Variants in MAP4 observed in about 807,000 individuals in gnomAD.
MAP4 encodes microtubule associated protein 4.
A neutral mutation model predicts 170.2 loss-of-function variants in MAP4; 76 were observed. That is an observed-to-expected ratio of 0.45 (90% CI 0.37 to 0.54). MAP4 has a LOEUF of 0.54. Among genes scored for constraint, MAP4 ranks in the 20% least tolerant of loss-of-function variants. The probability of loss-of-function intolerance (pLI) is 0.00; values close to 1 mark genes in which losing one functional copy is unlikely to be tolerated. For synonymous variants in MAP4, 909 were observed against 994.5 expected (o/e 0.91, Z 1.62); for missense variants, 2,506 against 2,748.0 (o/e 0.91, Z 1.97).
chr3:47,855,063 C>T lies in MAP4; in HGVS notation c.6696+185G>A, dbSNP rs1234046501. 1 of 553,532 alleles carries T rather than the reference C, an allele frequency of 1.8e-6. No individual in the cohort carries two copies. Among genetic ancestry groups the T allele is most frequent in the East Asian group, 2.8e-5 (1 of 35,254 alleles). The allele number at this position is 553,532 out of a possible 1,614,324, so 34.3% of individuals were successfully genotyped here. A position where few individuals can be genotyped will look rare whatever the true frequency, so the allele number is the denominator to read the frequency against. ...AGGTGAGGGGTGGCTGGGCTGGGGC[C>T]TCTTCACTTCTGCCTCAGTCAGGAC... On this transcript the variant is annotated intron_variant, in intron 19 of 20. Coordinates refer to ENST00000683076, the MANE Select transcript of MAP4 (RefSeq NM_001385682.1). This position sits in a 1 kb window ranked among gnomAD's most constrained non-coding sequence, Gnocchi z 5.1.
At chr3:48,042,082 C>T (rs2100121921) in intron 1 of MAP4, among the ~76,000 whole-genome samples, 1 of 152,156 alleles carries the variant, frequency 6.6e-6, no homozygotes, top group South Asian at 2.1e-4. Context: ...GTTGTGCGAG[C>T]TGCTCTAGCA....
rs1164039134 is a variant in MAP4, at chr3:47,850,785, A to C, written c.*2149T>G. 2 of 152,648 alleles carry C rather than the reference A, an allele frequency of 1.3e-5. No homozygotes were observed. Among genetic ancestry groups the C allele is most frequent in the African/African-American group, 4.8e-5 (2 of 41,444 alleles). 9.5% of individuals were successfully genotyped at this position (152,648 alleles called of 1,614,324 possible). ...CACAGGTAATGGCTGAGCCATAAGCAAATCGAGAAGTACAGAAATGTCCCA... is the reference window on the plus strand; with the variant it reads ...CACAGGTAATGGCTGAGCCATAAGCCAATCGAGAAGTACAGAAATGTCCCA... On this transcript the variant is annotated 3_prime_UTR_variant, in exon 21 of 21. Transcript: ENST00000683076.
Position 47,998,838 on chromosome 3 carries a change from T to A in MAP4, c.23A>T (p.Asp8Val), listed in dbSNP as rs770347331. 1.2e-6 allele frequency: 2 copies of A among 1,614,160 alleles called. No homozygotes were observed. Among genetic ancestry groups the A allele is most frequent in the Non-Finnish European group, 1.7e-6 (2 of 1,179,978 alleles). The stretch of plus-strand genomic sequence containing the variant: ...GTCTGGAGATGGTTCTGTTAATGCA[T>A]CTGCAAGACTGAGGTCAGCCATTCT... MADLSLA[D>V]ALTEPSPDIE... is the part of the protein sequence containing the mutation. The change falls in exon 2 of 21, where the codon GAT becomes GTT. Residue 8 changes from aspartate to valine, a missense_variant. Transcript: ENST00000683076.
At chr3:47,936,909 G>A (rs1257888922) in intron 3 of MAP4, among the ~76,000 whole-genome samples, 1 of 151,382 alleles carries the variant, frequency 6.6e-6, no homozygotes, top group East Asian at 1.9e-4. Context: ...GAACCCGGGA[G>A]GTGGAGGTTG....
At chr3:47,889,095 A>G (rs1263605569) in intron 10 of MAP4, among the ~76,000 whole-genome samples, 1 of 152,260 alleles carries the variant, frequency 6.6e-6, no homozygotes, top group Non-Finnish European at 1.5e-5. Flanking sequence ...GGGCAGAGTT[A>G]CAAGGGAAGC....
intron 1 of MAP4, among the ~76,000 whole-genome samples, chr3:48,056,484 A>G (rs1274239958): frequency 5.9e-5 from 2 of 33,640 alleles, no homozygotes; most frequent in Admixed American, 2.5e-4. Flanking sequence ...TCCGGGAGGG[A>G]GGTGGGGGGG....
At chr3:47,890,753 T>C (rs1240008449) in intron 10 of MAP4, among the ~76,000 whole-genome samples, 1 of 152,150 alleles carries the variant, frequency 6.6e-6, no homozygotes, top group East Asian at 1.9e-4. Context: ...ATACCCACCA[T>C]TCTCTGACCC....
intron 17 of MAP4, among the ~76,000 whole-genome samples, chr3:47,866,484 A>C (rs932969031): frequency 1.3e-5 from 2 of 151,998 alleles, no homozygotes; most frequent in Admixed American, 1.3e-4. Context: ...GGCCGGGCGC[A>C]GTGTTTCATG....
intron 2 of MAP4, among the ~76,000 whole-genome samples, chr3:47,982,574 T>C (rs1465151916): frequency 6.6e-6 from 1 of 152,192 alleles, no homozygotes; most frequent in Non-Finnish European, 1.5e-5. Flanking sequence ...AACTAAACTT[T>C]TGCTACAAAA....
chr3:47,949,465 CAAAAAAAAA>C (rs60076214), intron 3 of MAP4, among the ~76,000 whole-genome samples: 1 of 70,890 alleles, frequency 1.4e-5, no homozygotes, highest in Non-Finnish European at 2.6e-5. Context: ...GACTGCGTCC[CAAAAAAAAA>C]AAAAAAAAAA....
At chr3:48,004,222 C>T (rs574590929) in intron 1 of MAP4, among the ~76,000 whole-genome samples, 1 of 152,092 alleles carries the variant, frequency 6.6e-6, no homozygotes, top group Non-Finnish European at 1.5e-5. Flanking sequence ...CTGGAGTTGG[C>T]TGCTTAATAT....
intron 10 of MAP4, among the ~76,000 whole-genome samples, chr3:47,901,443 A>C (rs2100029957): frequency 6.6e-6 from 1 of 152,208 alleles, no homozygotes; most frequent in Non-Finnish European, 1.5e-5. Context: ...CAGGAGGCCG[A>C]GGTGGACGGA....
chr3:47,912,518 T>TGGAAAA (rs2100036512), intron 8 of MAP4, 97 bp from the exon 9 acceptor site: 1 of 1,093,684 alleles, frequency 9.1e-7, no homozygotes, highest in African/African-American at 1.6e-5. Flanking sequence ...AATGACTAAT[T>TGGAAAA]TAAGGAGGCT....
chr3:47,960,295 C>T (rs959562024), intron 3 of MAP4: 2 of 223,644 alleles, frequency 8.9e-6, no homozygotes, highest in Admixed American at 8.3e-5. Context: ...GCTTGTGATT[C>T]TGGAGGTTCA....
chr3:47,862,982 T>G (rs1576710492), intron 17 of MAP4, among the ~76,000 whole-genome samples: 2 of 150,360 alleles, frequency 1.3e-5, no homozygotes, highest in African/African-American at 4.9e-5. Flanking sequence ...TTTTTTTTGG[T>G]TTTTGTTTTT....
intron 1 of MAP4, among the ~76,000 whole-genome samples, chr3:48,052,031 T>C (rs2100128174): frequency 6.6e-6 from 1 of 152,164 alleles, no homozygotes; most frequent in African/African-American, 2.4e-5. Context: ...TTTAATAGCA[T>C]GCCAATAGCA....
chr3:48,083,347 AAAG>A (rs1326999880), intron 1 of MAP4, among the ~76,000 whole-genome samples: 2 of 152,308 alleles, frequency 1.3e-5, no homozygotes, highest in South Asian at 2.1e-4. Context: ...TTCCATATAA[AAAG>A]AAGTGAGGAA....
intron 3 of MAP4, chr3:47,932,000 T>G (rs1045482957): frequency 6.6e-6 from 1 of 152,190 alleles, no homozygotes; most frequent in African/African-American, 2.4e-5. Flanking sequence ...TTTTTTAGCA[T>G]ATACACAGTT....
intron 2 of MAP4, among the ~76,000 whole-genome samples, chr3:47,984,960 C>T (rs940536943): frequency 2.0e-5 from 3 of 150,162 alleles, no homozygotes; most frequent in African/African-American, 7.4e-5. Context: ...CAAAGTGAGA[C>T]CCCGTCTTAA....
Sources: allele counts gnomAD v4.1 joint callset (sites outside exome capture counted in the v4.1 genomes callset), GRCh38; gene constraint gnomAD v4.1.1; non-coding constraint Gnocchi (gnomAD v3.1); transcripts MANE v1.5; gene names NCBI Gene and HGNC (gene_info 2026-07-23, HGNC 2026-07-21).